Variants in DEF6 observed in about 807,000 individuals in gnomAD.
DEF6 encodes the protein differentially expressed in FDCP 6 homolog.
In DEF6, 32 loss-of-function variants were observed where a neutral mutation model predicts 80.5. That is an observed-to-expected ratio of 0.40 (90% CI 0.30 to 0.53). The LOEUF (loss-of-function observed/expected upper bound fraction) is 0.53. DEF6 is among the 20% of genes least tolerant of loss of function. The pLI is 0.57. For missense variants in DEF6, 575 were observed against 818.7 expected, an observed-to-expected ratio of 0.70 and a Z score of 3.63; for synonymous variants, 300 against 337.9, an observed-to-expected ratio of 0.89 and a Z score of 1.23.
chr6:35,313,276 A>C, intron 5 of DEF6: 1 of 416,400 alleles, frequency 2.4e-6, no homozygotes, highest in South Asian at 1.7e-5. Context: ...GAAACTTCCC[A>C]TTTTAACTAT....
At position 35,318,097 on chromosome 6, in the gene DEF6, T is replaced by G. The variant is rs1791543736; in HGVS notation, c.917-76T>G. 6.5e-7 allele frequency: 1 copy of G among 1,537,568 alleles called. No individual in the cohort carries two copies. The highest frequency in any genetic ancestry group is 1.4e-5 in the African/African-American group (1 of 72,358). On this transcript the variant is annotated intron_variant, in intron 6 of 10. Transcript: ENST00000316637. The surrounding 1 kb of genome is among the most constrained non-coding windows in gnomAD (Gnocchi z 5.1). ...CTTTGTCCAGCGGGAGGTTGGAGAG[T>G]GGACTCGGGAAACTCCTAAGGCCCC... is the stretch of plus-strand genomic sequence containing the variant.
In DEF6 at chr6:35,318,058, AG is replaced by A. The variant is rs1422815866; in HGVS notation, c.916+64del. 3 of 1,567,822 alleles carry A rather than the reference AG, an allele frequency of 1.9e-6. No individual in the cohort carries two copies. The highest frequency in any genetic ancestry group is 2.6e-6 in the Non-Finnish European group (3 of 1,155,494). The stretch of plus-strand genomic sequence containing the variant: ...GTCCTTAGGCGCCTCATCTGTGAAA[AG>A]GGGGTGATAATACTTTGTCCAGCGG... On this transcript the variant is annotated intron_variant, in intron 6 of 10. Transcript: ENST00000316637. The surrounding 1 kb of genome is among the most constrained non-coding windows in gnomAD (Gnocchi z 5.1).
At chr6:35,300,522 C>T (rs980062999) in intron 1 of DEF6, among the ~76,000 whole-genome samples, 1 of 152,220 alleles carries the variant, frequency 6.6e-6, no homozygotes, top group Admixed American at 6.5e-5. Flanking sequence ...AGCACGTCCT[C>T]TGAGAAAAGC....
At chr6:35,310,238 T>C (rs1457590012) in intron 2 of DEF6, among the ~76,000 whole-genome samples, 1 of 152,282 alleles carries the variant, frequency 6.6e-6, no homozygotes, top group African/African-American at 2.4e-5. Flanking sequence ...AGAGTTAATC[T>C]GTTGTCAGGG....
At chr6:35,302,910 C>T (rs1791334060) in intron 1 of DEF6, among the ~76,000 whole-genome samples, 1 of 152,168 alleles carries the variant, frequency 6.6e-6, no homozygotes, top group Non-Finnish European at 1.5e-5. Context: ...GCCTTGATTT[C>T]CTCATCTCTA....
rs372370389 is a variant in DEF6, at chr6:35,307,354, G to T, written c.97-2316G>T. On this transcript the variant is annotated intron_variant, in intron 1 of 10. Transcript: ENST00000316637. ...GCGGAGGTTGCAGTGAGCCAACACC[G>T]CGCCACTGCGCTCTAGCCTGGGCGG... Among the ~76,000 whole-genome samples the T allele has an allele frequency of 1.4e-4, 22 of 152,358 alleles. No individual in the cohort carries two copies. In the East Asian group the frequency reaches 3.3e-3, roughly 23 times the overall value.
chr6:35,318,361 G>A lies in DEF6; in HGVS notation c.1105G>A (p.Glu369Lys), dbSNP rs1791547634. ...GCTGCAGGAGCTGGAGCTGCTGCAG[G>A]AGGCGCAGCGGCAGGCCGAGCGGCT... The part of the protein sequence containing the change: ...RKLQELELLQ[E>K]AQRQAERLLQ... The change falls in exon 7 of 11, where the codon GAG becomes AAG. Residue 369 changes from glutamate to lysine, a missense_variant. Physicochemically the swap from Glu to Lys is moderately conservative, Grantham distance 56 (BLOSUM62 1). Transcript: ENST00000316637. This position sits in a 1 kb window ranked among gnomAD's most constrained non-coding sequence, Gnocchi z 5.1. 3 of 1,541,240 alleles carry A rather than the reference G, an allele frequency of 1.9e-6. No homozygotes were observed. Among genetic ancestry groups the A allele is most frequent in the South Asian group, 2.4e-5 (2 of 83,964 alleles).
Position 35,317,977 on chromosome 6 carries a change from C to T in DEF6, c.894C>T (p.Arg298=), listed in dbSNP as rs2150388732. 1.2e-6 allele frequency: 2 copies of T among 1,613,738 alleles called. 1 individual carries two copies. ...ATGAGATGAGCGCCTCAGACACGCG[C>T]CAGCGCCAGGAGTGGACAGCTGGTG... ...RTYEMSASDT[R]QRQEWTAAIQ... is the part of the protein sequence containing the mutation. Residue 298 remains arginine, a synonymous_variant, in exon 6 of 11, where the codon CGC becomes CGT. Transcript: ENST00000316637.
At position 35,319,650 on chromosome 6, in the gene DEF6, G is replaced by T; in HGVS notation, c.1342G>T (p.Ala448Ser). The change falls in exon 8 of 11, where the codon GCT (alanine) becomes TCT (serine). Residue 448 changes from alanine (A) to serine (S), a missense_variant. Physicochemically the swap from Ala to Ser is moderately conservative, Grantham distance 99. Transcript: ENST00000316637. The surrounding 1 kb of genome is among the most constrained non-coding windows in gnomAD (Gnocchi z 4.5). Reference sequence around the variant, plus strand: ...GGAGGCCCTGCAACTAGAGGTGAAAGCTCGGCGAGATGAAGAATCTGTGCG... The same window carrying T: ...GGAGGCCCTGCAACTAGAGGTGAAATCTCGGCGAGATGAAGAATCTGTGCG... ...LQEALQLEVK[A>S]RRDEESVRIA... is the part of the protein sequence containing the mutation. 1.9e-6 allele frequency: 3 copies of T among 1,613,678 alleles called. No individual in the cohort carries two copies. Among genetic ancestry groups the T allele is most frequent in the Non-Finnish European group, 2.5e-6 (3 of 1,179,726 alleles).
At chr6:35,313,164 T>C (rs1411091002) in intron 5 of DEF6, among the ~76,000 whole-genome samples, 6 of 150,822 alleles carry the variant, frequency 4.0e-5, no homozygotes, top group African/African-American at 1.5e-4. Context: ...CTCCTCTGTC[T>C]TCCCCTTCTG....
rs1361536986 is a variant in DEF6, at chr6:35,312,353, T to C, written c.475T>C (p.Leu159=). The C allele has an allele frequency of 1.9e-6, 3 of 1,613,978 alleles. No homozygotes were observed. Among genetic ancestry groups the C allele is most frequent in the Non-Finnish European group, 2.5e-6 (3 of 1,179,994 alleles). The change falls in exon 4 of 11, where the codon TTG becomes CTG. Residue 159 remains leucine, a synonymous_variant. Coordinates refer to ENST00000316637, the MANE Select transcript of DEF6 (RefSeq NM_022047.4). The surrounding 1 kb of genome is among the most constrained non-coding windows in gnomAD (Gnocchi z 6.6). ...CAGCAGCATGAGCTTGGAGGTGAGC[T>C]TGGGTGAGCTGGAGGAGCTTCTGGC... ...VLSSMSLEVS[L]GELEELLAQE... is the part of the protein sequence containing the mutation.
chr6:35,305,736 C>A (rs1791380856), intron 1 of DEF6, among the ~76,000 whole-genome samples: 1 of 151,912 alleles, frequency 6.6e-6, no homozygotes, highest in African/African-American at 2.4e-5. Flanking sequence ...TCACACCCAG[C>A]TAATTTTTGT....
At chr6:35,305,033 C>G (rs1791371186) in intron 1 of DEF6, among the ~76,000 whole-genome samples, 1 of 146,192 alleles carries the variant, frequency 6.8e-6, no homozygotes, top group African/African-American at 2.5e-5. Flanking sequence ...AGGAGGATCT[C>G]TTGAGCCCAG....
chr6:35,310,400 G>A (rs1791448023), intron 2 of DEF6, 59 bp from the exon 3 acceptor site: 1 of 1,588,168 alleles, frequency 6.3e-7, no homozygotes, highest in Non-Finnish European at 8.6e-7. Flanking sequence ...CCCAGCTGGA[G>A]CCTAGTGTCG....
chr6:35,305,725 A>T (rs1297398857), intron 1 of DEF6, among the ~76,000 whole-genome samples: 4 of 151,532 alleles, frequency 2.6e-5, no homozygotes, highest in Non-Finnish European at 5.9e-5. Context: ...GCCGCCTGCC[A>T]TCACACCCAG....
intron 1 of DEF6, among the ~76,000 whole-genome samples, chr6:35,299,846 G>A (rs1791292097): frequency 6.6e-6 from 1 of 152,098 alleles, no homozygotes; most frequent in Admixed American, 6.5e-5. Flanking sequence ...AGTGAATATT[G>A]GAAGAGGAGG....
chr6:35,317,831 G>A, intron 5 of DEF6, 60 bp from the exon 6 acceptor site: 1 of 1,487,900 alleles, frequency 6.7e-7, no homozygotes, highest in Non-Finnish European at 9.2e-7. Flanking sequence ...GCACCCTTGG[G>A]GCAGGTGGGG....
chr6:35,318,466 G>T lies in DEF6; in HGVS notation c.1210G>T (p.Glu404Ter). The T allele has an allele frequency of 1.4e-6, 2 of 1,426,754 alleles. No individual in the cohort carries two copies. Among genetic ancestry groups the T allele is most frequent in the Non-Finnish European group, 1.8e-6 (2 of 1,098,884 alleles). The allele number at this position is 1,426,754 out of a possible 1,614,324, so 88.4% of individuals were successfully genotyped here. A position where few individuals can be genotyped will look rare whatever the true frequency, so the allele number is the denominator to read the frequency against. ...QALEGQLREA[E>*]QARASMQAEM... ...GCTCGAGGGCCAACTGCGCGAGGCG[G>T]AGCAGGTGGGGTTAGCTCCCGGCGC... The change falls in exon 7 of 11, where the codon GAG becomes TAG. Residue 404 changes from glutamate to a stop codon, truncating the protein, a stop_gained. Coordinates refer to ENST00000316637, the MANE Select transcript of DEF6 (RefSeq NM_022047.4). LOFTEE classifies it high-confidence loss of function. This position sits in a 1 kb window ranked among gnomAD's most constrained non-coding sequence, Gnocchi z 5.1.
At chr6:35,310,391 C>G in intron 2 of DEF6, 68 bp from the exon 3 acceptor site, 4 of 1,571,574 alleles carry the variant, frequency 2.5e-6, no homozygotes, top group African/African-American at 2.7e-5. Context: ...CCCAAGAAAC[C>G]CAGCTGGAGC....
Sources: gnomAD v4.1 joint callset for allele counts (sites outside exome capture counted in the v4.1 genomes callset) on GRCh38, gnomAD v4.1.1 for gene constraint, Gnocchi (gnomAD v3.1) non-coding constraint, MANE v1.5 for transcripts, NCBI Gene and HGNC (gene_info 2026-07-23, HGNC 2026-07-21) for gene names.